Variants in NEBL observed in about 807,000 individuals in gnomAD.
The protein encoded by NEBL is nebulette.
A neutral mutation model predicts 140.2 loss-of-function variants in NEBL; 122 were observed. The ratio of observed to expected loss-of-function variants is 0.87; its 90% confidence interval spans 0.75 to 1.01. The LOEUF (loss-of-function observed/expected upper bound fraction) is 1.01, where lower values mean the gene tolerates loss of function less well. NEBL is among the 50% of genes least tolerant of loss of function. The pLI is 0.00. For missense variants in NEBL, 1,365 were observed against 1,231.3 expected, an observed-to-expected ratio of 1.11 and a Z score of -1.62; for synonymous variants, 436 against 398.9, an observed-to-expected ratio of 1.09 and a Z score of -1.11.
At chr10:20,820,894 A>G (rs1588687175) in intron 19 of NEBL, among the ~76,000 whole-genome samples, 1 of 152,214 alleles carries the variant, frequency 6.6e-6, no homozygotes, top group Non-Finnish European at 1.5e-5. Context: ...GCATACTCTT[A>G]GTAGTGAACA....
chr10:21,236,943 G>C (rs1248812410), intron 3 of NEBL, among the ~76,000 whole-genome samples: 1 of 152,126 alleles, frequency 6.6e-6, no homozygotes, highest in Non-Finnish European at 1.5e-5. Flanking sequence ...TATAGAGAGA[G>C]GACCAAGGCA....
rs192183550 is a variant in NEBL, at chr10:20,935,331, C to T, written c.357+26341G>A. On this transcript the variant is annotated intron_variant, in intron 4 of 6. Coordinates refer to the NEBL transcript ENST00000417816. ...TGAATCTTCTCAAGACTGTGCTTAA[C>T]ACGACAACTGGCAACTGTGAGCCTA... Among the ~76,000 whole-genome samples the T allele has an allele frequency of 2.8e-3, 429 of 152,274 alleles. 1 individual carries two copies. The highest frequency in any genetic ancestry group is 0.01 in the African/African-American group (416 of 41,550).
In NEBL at chr10:21,161,755, G is replaced by T. The variant is rs191052700; in HGVS notation, c.164+10628C>A. 1.5e-3 allele frequency among the ~76,000 whole-genome samples: 224 copies of T among 152,184 alleles called. 1 individual carries two copies. The highest frequency in any genetic ancestry group is 2.5e-3 in the Admixed American group (39 of 15,298). ...ATAGGAAGGCTCAGGATGTAAAGAGGCAACCCATCAAAGGTAGCTTTGATG... is the reference window on the plus strand; with the variant it reads ...ATAGGAAGGCTCAGGATGTAAAGAGTCAACCCATCAAAGGTAGCTTTGATG... On this transcript the variant is annotated intron_variant, in intron 2 of 6. Coordinates refer to the NEBL transcript ENST00000417816.
At chr10:21,019,848 G>C (rs930291211) in intron 3 of NEBL, among the ~76,000 whole-genome samples, 1 of 152,180 alleles carries the variant, frequency 6.6e-6, no homozygotes, top group African/African-American at 2.4e-5. Flanking sequence ...AATAAGTCAA[G>C]ATTGTTGGGA....
intron 9 of NEBL, among the ~76,000 whole-genome samples, chr10:20,854,123 A>G (rs1302299608): frequency 6.6e-6 from 1 of 152,206 alleles, no homozygotes; most frequent in Non-Finnish European, 1.5e-5. Context: ...TATTTGGAAA[A>G]GACCTTTAGT....
chr10:20,819,180 A>G, intron 20 of NEBL: 2 of 858,766 alleles, frequency 2.3e-6, no homozygotes, highest in South Asian at 3.6e-5. Context: ...TAAGCCCAGT[A>G]CTCAACAGTT....
chr10:21,266,969 GT>G (rs933483716), intron 1 of NEBL, among the ~76,000 whole-genome samples: 2 of 151,454 alleles, frequency 1.3e-5, no homozygotes, highest in Non-Finnish European at 3.0e-5. Flanking sequence ...TTTATTTGGG[GT>G]TTTTTTTGTT....
intron 14 of NEBL, among the ~76,000 whole-genome samples, chr10:20,833,646 T>C (rs1027883015): frequency 1.4e-4 from 21 of 152,046 alleles, no homozygotes; most frequent in African/African-American, 5.1e-4. Flanking sequence ...TCAAGGATTC[T>C]TCTCCTGCTG....
intron 9 of NEBL, among the ~76,000 whole-genome samples, chr10:20,855,769 C>T (rs956220084): frequency 6.6e-6 from 1 of 152,136 alleles, no homozygotes; most frequent in Non-Finnish European, 1.5e-5. Context: ...AATTAAGGCA[C>T]TCATATCACT....
At chr10:20,913,710 A>G (rs1455853993) in intron 4 of NEBL, among the ~76,000 whole-genome samples, 1 of 152,196 alleles carries the variant, frequency 6.6e-6, no homozygotes, top group African/African-American at 2.4e-5. Flanking sequence ...ATTTTATTAT[A>G]TTAATAGATT....
At chr10:21,009,267 C>A (rs191712719) in intron 3 of NEBL, among the ~76,000 whole-genome samples, 58 of 152,222 alleles carry the variant, frequency 3.8e-4, no homozygotes, top group African/African-American at 1.3e-3. Flanking sequence ...ATAAGTAAAT[C>A]GCTTGGAATT....
chr10:21,132,625 T>C (rs919382113), intron 2 of NEBL, among the ~76,000 whole-genome samples: 1 of 152,206 alleles, frequency 6.6e-6, no homozygotes, highest in Admixed American at 6.5e-5. Context: ...AGTTCCATTT[T>C]GTCCACATTC....
intron 1 of NEBL, among the ~76,000 whole-genome samples, chr10:21,291,866 A>G (rs1007808372): frequency 1.3e-5 from 2 of 152,226 alleles, no homozygotes; most frequent in Non-Finnish European, 2.9e-5. Context: ...AGATCACGCC[A>G]CTGCACTCCA....
At position 21,143,357 on chromosome 10, in the gene NEBL, G is replaced by A. The variant is rs181655782; in HGVS notation, c.164+29026C>T. 3.6e-3 allele frequency among the ~76,000 whole-genome samples: 525 copies of A among 145,916 alleles called. 1 individual carries two copies. Among genetic ancestry groups the A allele is most frequent in the Non-Finnish European group, 5.7e-3 (384 of 67,346 alleles). ...CCAGCTACTTGGGAGGCTGAGGCAGGAGAATAGCTTGAACCCGGGACGTGG... is the reference window on the plus strand; with the variant it reads ...CCAGCTACTTGGGAGGCTGAGGCAGAAGAATAGCTTGAACCCGGGACGTGG... On this transcript the variant is annotated intron_variant, in intron 2 of 6. Transcript: ENST00000417816.
rs184419968 is a variant in NEBL at position 21,084,814 on chromosome 10, A to G, written c.165-64613T>C. Among the ~76,000 whole-genome samples the G allele has an allele frequency of 1.2e-4, 18 of 152,292 alleles. No homozygotes were observed. In the East Asian group the frequency reaches 3.3e-3, roughly 28 times the overall value. On this transcript the variant is annotated intron_variant, in intron 2 of 6. Transcript: ENST00000417816. ...GCCAAAGCACAGGGGCATACGCACT[A>G]GCACAGAGAGAACCCGGTTGCTGCC... is the stretch of plus-strand genomic sequence containing the variant.
At chr10:20,969,691 G>A (rs1051783252) in intron 3 of NEBL, among the ~76,000 whole-genome samples, 2 of 151,630 alleles carry the variant, frequency 1.3e-5, no homozygotes, top group African/African-American at 4.8e-5. Context: ...GATTACAGGC[G>A]TACACCACCA....
chr10:21,288,149 G>C (rs1000652830), intron 1 of NEBL, among the ~76,000 whole-genome samples: 2 of 152,220 alleles, frequency 1.3e-5, no homozygotes, highest in African/African-American at 4.8e-5. Flanking sequence ...AGTAATCAAA[G>C]GAGTGAAGTA....
intron 2 of NEBL, among the ~76,000 whole-genome samples, chr10:21,121,307 T>C (rs939009592): frequency 6.6e-6 from 1 of 152,200 alleles, no homozygotes; most frequent in Admixed American, 6.6e-5. Context: ...TTGATCACTT[T>C]AATGTCACGG....
chr10:20,925,876 A>G (rs892149438), intron 4 of NEBL, among the ~76,000 whole-genome samples: 1 of 152,188 alleles, frequency 6.6e-6, no homozygotes, highest in Non-Finnish European at 1.5e-5. Context: ...AAGTCAAACT[A>G]TTCTTCAAAA....
Sources: gnomAD v4.1 joint callset for allele counts (sites outside exome capture counted in the v4.1 genomes callset) on GRCh38, gnomAD v4.1.1 for gene constraint, MANE v1.5 for transcripts, NCBI Gene and HGNC (gene_info 2026-07-23, HGNC 2026-07-21) for gene names.